The following TPTE2 variants were observed in gnomAD, a reference collection of about 807,000 sequenced individuals.
TPTE2 encodes transmembrane phosphoinositide 3-phosphatase and tensin homolog 2.
In TPTE2, 53 loss-of-function variants were observed where a neutral mutation model predicts 78.6. The observed-to-expected ratio is 0.67, with a 90% CI of 0.54 to 0.85. The LOEUF (loss-of-function observed/expected upper bound fraction) is 0.85, where lower values mean the gene tolerates loss of function less well. Among genes scored for constraint, TPTE2 ranks in the 40% least tolerant of loss-of-function variants. TPTE2 has a pLI of 0.00. For missense variants in TPTE2, 461 were observed against 623.0 expected (o/e 0.74, Z 2.77); for synonymous variants, 175 against 206.2 (o/e 0.85, Z 1.30).
At chr13:19,463,094 G>A (rs547380519) in intron 10 of TPTE2, among the ~76,000 whole-genome samples, 31 of 150,944 alleles carry the variant, frequency 2.1e-4, no homozygotes, top group East Asian at 1.2e-3. Context: ...AGCAATTCTC[G>A]TGTCTCAGCC....
upstream of TPTE2, among the ~76,000 whole-genome samples, chr13:19,540,310 G>A (rs9508436): frequency 1.4e-5 from 2 of 143,226 alleles, no homozygotes; most frequent in African/African-American, 5.6e-5. Flanking sequence ...TTATTATTAT[G>A]GTTTTTTTTA....
intron 17 of TPTE2, among the ~76,000 whole-genome samples, chr13:19,427,415 A>T (rs1361960016): frequency 1.3e-5 from 2 of 151,996 alleles, no homozygotes; most frequent in Admixed American, 1.3e-4. Context: ...TGCACTTTTA[A>T]AAAGTATTGA....
chr13:19,480,743 G>GT (rs1880294927), intron 4 of TPTE2, among the ~76,000 whole-genome samples: 2 of 152,276 alleles, frequency 1.3e-5, no homozygotes, highest in Middle Eastern at 3.4e-3. Flanking sequence ...AGTGTTAAGT[G>GT]TGGGGGGGAG....
At chr13:19,426,136 T>A (rs1188093797) in intron 18 of TPTE2, 4 of 333,278 alleles carry the variant, frequency 1.2e-5, no homozygotes, top group Non-Finnish European at 2.3e-5. Flanking sequence ...TTGGGTTTTT[T>A]TTTTTTTAGC....
chr13:19,433,835 T>C (rs1876864841), intron 15 of TPTE2, among the ~76,000 whole-genome samples: 1 of 152,230 alleles, frequency 6.6e-6, no homozygotes, highest in South Asian at 2.1e-4. Context: ...TTGCAGCCTT[T>C]GGTGTGCTGG....
chr13:19,442,419 A>G (rs1337202296), intron 13 of TPTE2, among the ~76,000 whole-genome samples: 1 of 152,076 alleles, frequency 6.6e-6, no homozygotes. Flanking sequence ...ATGGGATGAA[A>G]CTAAAGCAAT....
chr13:19,541,108 G>C (rs111700280), upstream of TPTE2, among the ~76,000 whole-genome samples: 47 of 152,260 alleles, frequency 3.1e-4, no homozygotes, highest in African/African-American at 1.1e-3. Context: ...GTGGGATGGA[G>C]GTCCCTGCCT....
At chr13:19,446,557 T>C (rs998698183) in intron 13 of TPTE2, among the ~76,000 whole-genome samples, 14 of 152,218 alleles carry the variant, frequency 9.2e-5, no homozygotes, top group African/African-American at 3.4e-4. Flanking sequence ...ATCTTTACTA[T>C]ATCAGTATAG....
chr13:19,423,478 A>G (rs1875762477), intron 19 of TPTE2, among the ~76,000 whole-genome samples: 1 of 152,264 alleles, frequency 6.6e-6, no homozygotes, highest in East Asian at 1.9e-4. Flanking sequence ...GACATGAATG[A>G]AAACCCAGGA....
At position 19,450,178 on chromosome 13, in the gene TPTE2, T is replaced by C; in HGVS notation, c.885-14A>G. 1 of 1,610,846 alleles carries C rather than the reference T, an allele frequency of 6.2e-7. No individual in the cohort carries two copies. The highest frequency in any genetic ancestry group is 8.5e-7 in the Non-Finnish European group (1 of 1,179,328). On this transcript the variant is annotated splice_polypyrimidine_tract_variant and intron_variant, in intron 12 of 19. Transcript: ENST00000400230. ...ACCACCATCTCACTGATTTCAAGTTTAAGATTTTTAGTTAAAATATTTTCA... is the reference window on the plus strand; with the variant it reads ...ACCACCATCTCACTGATTTCAAGTTCAAGATTTTTAGTTAAAATATTTTCA...
intron 1 of TPTE2, among the ~76,000 whole-genome samples, chr13:19,497,914 A>T (rs962803692): frequency 6.6e-6 from 1 of 151,688 alleles, no homozygotes; most frequent in Non-Finnish European, 1.5e-5. Flanking sequence ...AAAATTTAGA[A>T]GAAGGTATAA....
intron 1 of TPTE2, among the ~76,000 whole-genome samples, chr13:19,515,399 T>C (rs560078569): frequency 2.0e-5 from 3 of 152,220 alleles, no homozygotes; most frequent in African/African-American, 4.8e-5. Context: ...AGAAAAGTTC[T>C]CCTACACAAA....
At chr13:19,462,392 T>C (rs1019646518) in intron 10 of TPTE2, among the ~76,000 whole-genome samples, 4 of 152,272 alleles carry the variant, frequency 2.6e-5, no homozygotes, top group African/African-American at 9.6e-5. Flanking sequence ...TGACAGTTTT[T>C]TTTTTCCTTC....
the TPTE2 span, among the ~76,000 whole-genome samples, chr13:19,550,374 C>T: frequency 2.0e-5 from 3 of 152,182 alleles, no homozygotes; most frequent in Non-Finnish European, 2.9e-5. Context: ...ACCACGAGTT[C>T]GTGCTTTCCT....
chr13:19,441,806 G>T lies in TPTE2; in HGVS notation c.974-3653C>A, dbSNP rs539595286. Among the ~76,000 whole-genome samples, 8 of 152,274 alleles carry T rather than the reference G, an allele frequency of 5.3e-5. No homozygotes were observed. In the South Asian group the frequency reaches 1.7e-3, roughly 32 times the overall value. On this transcript the variant is annotated intron_variant, in intron 13 of 19. Transcript: ENST00000400230. ...AACAGTATACTGCAGAGCCTAACCAGTGTAGAAAGTCAGTGTAGTAAGTAA... is the reference window on the plus strand; with the variant it reads ...AACAGTATACTGCAGAGCCTAACCATTGTAGAAAGTCAGTGTAGTAAGTAA...
At chr13:19,539,797 GT>G (rs1311558869), upstream of TPTE2, among the ~76,000 whole-genome samples, 2 of 151,982 alleles carry the variant, frequency 1.3e-5, no homozygotes, top group Non-Finnish European at 2.9e-5. Flanking sequence ...GCTCTTCTTG[GT>G]TCTTTGTTTC....
At chr13:19,555,269 G>A in the TPTE2 span, among the ~76,000 whole-genome samples, 3 of 152,034 alleles carry the variant, frequency 2.0e-5, no homozygotes, top group African/African-American at 4.8e-5. Context: ...ATTACCTGTC[G>A]ACTCTAGGAT....
intron 1 of TPTE2, among the ~76,000 whole-genome samples, chr13:19,496,583 C>G (rs556134040): frequency 7.2e-5 from 11 of 152,262 alleles, no homozygotes; most frequent in Admixed American, 6.5e-4. Flanking sequence ...GTTTTAGCAC[C>G]AACCTCATAT....
intron 6 of TPTE2, 108 bp downstream of exon 9, chr13:19,473,806 G>A (rs1879772559): frequency 1.0e-6 from 1 of 1,001,796 alleles, no homozygotes; most frequent in East Asian, 2.8e-5. Context: ...ATGTTGGCCA[G>A]GATTGTGTCG....
Sources: gnomAD v4.1 joint callset for allele counts (sites outside exome capture counted in the v4.1 genomes callset) on GRCh38, gnomAD v4.1.1 for gene constraint, MANE v1.5 for transcripts, NCBI Gene and HGNC (gene_info 2026-07-23, HGNC 2026-07-21) for gene names.